The following MARCHF1 variants were observed in gnomAD, a reference collection of about 807,000 sequenced individuals.
MARCHF1 encodes the protein membrane associated ring-CH-type finger 1, also known as E3 ubiquitin-protein ligase MARCHF1.
A neutral mutation model predicts 54.2 loss-of-function variants in MARCHF1; 40 were observed. The observed-to-expected ratio is 0.74, with a 90% CI of 0.57 to 0.96. The LOEUF is 0.96. MARCHF1 is among the 40% of genes least tolerant of loss of function. The probability of loss-of-function intolerance (pLI) is 0.00; values close to 1 mark genes in which losing one functional copy is unlikely to be tolerated. For missense variants in MARCHF1, 586 were observed against 656.5 expected (o/e 0.89, Z 1.17); for synonymous variants, 236 against 236.3 (o/e 1.00, Z 0.01).
At chr4:164,023,811 T>G (rs759506256) in intron 2 of MARCHF1, among the ~76,000 whole-genome samples, 55 of 152,038 alleles carry the variant, frequency 3.6e-4, no homozygotes, top group Non-Finnish European at 7.1e-4. Flanking sequence ...AAGAGAAAGT[T>G]GAAACCCAAT....
chr4:163,624,135 T>G (rs565045342), intron 5 of MARCHF1, among the ~76,000 whole-genome samples: 35 of 152,200 alleles, frequency 2.3e-4, no homozygotes, highest in African/African-American at 8.4e-4. Flanking sequence ...GGCTATGCAG[T>G]TGTTAACTGT....
At chr4:163,901,835 A>G (rs2111308367) in intron 3 of MARCHF1, among the ~76,000 whole-genome samples, 1 of 152,284 alleles carries the variant, frequency 6.6e-6, no homozygotes, top group African/African-American at 2.4e-5. Flanking sequence ...AGAACCAACA[A>G]CGGTACAAAT....
intron 2 of MARCHF1, among the ~76,000 whole-genome samples, chr4:164,063,798 A>T (rs1754670496): frequency 6.6e-6 from 1 of 152,182 alleles, no homozygotes; most frequent in African/African-American, 2.4e-5. Flanking sequence ...ATTTTTTCAA[A>T]ACATGTAGAA....
At chr4:164,058,205 G>A (rs1166170332) in intron 2 of MARCHF1, among the ~76,000 whole-genome samples, 1 of 152,080 alleles carries the variant, frequency 6.6e-6, no homozygotes, top group South Asian at 2.1e-4. Context: ...AACCACCATG[G>A]CACTTGTATA....
intron 5 of MARCHF1, among the ~76,000 whole-genome samples, chr4:163,634,604 T>C (rs902103741): frequency 6.6e-6 from 1 of 152,120 alleles, no homozygotes; most frequent in African/African-American, 2.4e-5. Flanking sequence ...AAGCAAGTCC[T>C]GAGTGACCTA....
intron 2 of MARCHF1, among the ~76,000 whole-genome samples, chr4:164,092,080 T>C (rs1755316660): frequency 6.6e-6 from 1 of 152,138 alleles, no homozygotes; most frequent in Non-Finnish European, 1.5e-5. Flanking sequence ...TCACCGAGGC[T>C]TACTTGGCTA....
At chr4:164,073,464 C>T (rs939894870) in intron 2 of MARCHF1, among the ~76,000 whole-genome samples, 9 of 151,654 alleles carry the variant, frequency 5.9e-5, no homozygotes, top group Admixed American at 3.9e-4. Flanking sequence ...TATGGACACA[C>T]GGAGGGGAAC....
At chr4:163,543,661 G>A (rs1738797562) in intron 9 of MARCHF1, among the ~76,000 whole-genome samples, 1 of 152,064 alleles carries the variant, frequency 6.6e-6, no homozygotes, top group African/African-American at 2.4e-5. Context: ...ATATTTTTGT[G>A]GCTGAAGTTG....
chr4:163,883,976 C>T (rs1433489574), intron 3 of MARCHF1, among the ~76,000 whole-genome samples: 2 of 152,154 alleles, frequency 1.3e-5, no homozygotes, highest in Non-Finnish European at 2.9e-5. Context: ...ACTGTGATTA[C>T]TGACCATCTC....
chr4:164,244,271 T>C (rs1732870708), intron 1 of MARCHF1, among the ~76,000 whole-genome samples: 1 of 151,940 alleles, frequency 6.6e-6, no homozygotes, highest in Non-Finnish European at 1.5e-5. Context: ...CAGACCACAG[T>C]GCAATCAAAC....
intron 4 of MARCHF1, among the ~76,000 whole-genome samples, chr4:163,728,519 T>C (rs1320812006): frequency 6.6e-6 from 1 of 152,202 alleles, no homozygotes; most frequent in Admixed American, 6.5e-5. Flanking sequence ...CCCCATACTT[T>C]TGTTATATTT....
At position 163,929,958 on chromosome 4, in the gene MARCHF1, TA is replaced by T. The variant is rs374858594; in HGVS notation, c.-39+58542del. Among the ~76,000 whole-genome samples the T allele has an allele frequency of 1.1e-3, 69 of 62,794 alleles. 1 individual carries two copies. Among genetic ancestry groups the T allele is most frequent in the African/African-American group, 1.6e-3 (35 of 21,670 alleles). 41.2% of individuals were successfully genotyped at this position (62,794 alleles called of 152,430 possible). ...TTATATATTTATATTATATATATTA[TA>T]TATAATATATATAATATATATAATA... is the stretch of plus-strand genomic sequence containing the variant. On this transcript the variant is annotated intron_variant, in intron 3 of 9. Coordinates refer to ENST00000514618, the MANE Select transcript of MARCHF1 (RefSeq NM_001394959.1).
intron 1 of MARCHF1, among the ~76,000 whole-genome samples, chr4:164,343,940 CATT>C (rs1729999456): frequency 6.6e-6 from 1 of 152,142 alleles, no homozygotes; most frequent in Admixed American, 6.6e-5. Context: ...TTCATCACAG[CATT>C]ATTCACAATC....
intron 1 of MARCHF1, among the ~76,000 whole-genome samples, chr4:164,225,368 T>C (rs1434918753): frequency 6.6e-6 from 1 of 152,108 alleles, no homozygotes; most frequent in Non-Finnish European, 1.5e-5. Flanking sequence ...TGCCTATTTC[T>C]ATTTGCCCAT....
intron 1 of MARCHF1, among the ~76,000 whole-genome samples, chr4:164,343,870 T>C (rs770180754): frequency 1.3e-5 from 2 of 152,134 alleles, no homozygotes; most frequent in Non-Finnish European, 2.9e-5. Context: ...AGTCTCATTA[T>C]TGGGTATATA....
intron 2 of MARCHF1, among the ~76,000 whole-genome samples, chr4:164,015,900 CAA>C (rs770216277): frequency 7.0e-6 from 1 of 143,544 alleles, no homozygotes. Flanking sequence ...TAAGTTTCCC[CAA>C]AAAAAAAAAA....
chr4:163,918,362 C>T (rs115391158), intron 3 of MARCHF1, among the ~76,000 whole-genome samples: 1 of 152,056 alleles, frequency 6.6e-6, no homozygotes, highest in Admixed American at 6.6e-5. Flanking sequence ...TGTTGTTTGT[C>T]TTCTCATGCT....
At position 163,528,966 on chromosome 4, in the gene MARCHF1, G is replaced by T. The variant is rs1226043471; in HGVS notation, c.1420C>A (p.Gln474Lys). 3 of 1,612,984 alleles carry T rather than the reference G, an allele frequency of 1.9e-6. No homozygotes were observed. The highest frequency in any genetic ancestry group is 2.2e-5 in the East Asian group (1 of 44,872). The change falls in exon 10 of 10, where the codon CAG becomes AAG. Residue 474 changes from glutamine to lysine, a missense_variant. Transcript: ENST00000514618. ...CACAACTGAACATAGACTTTACACT[G>T]TACGTACATGAAGACAAGACCTCCT... Reference protein sequence around the residue: ...FTGGLVFMYVQCKVYVQLWRR... With the variant: ...FTGGLVFMYVKCKVYVQLWRR...
chr4:164,001,715 A>G (rs927257426), intron 2 of MARCHF1, among the ~76,000 whole-genome samples: 13 of 151,838 alleles, frequency 8.6e-5, no homozygotes, highest in African/African-American at 3.1e-4. Flanking sequence ...TTAAGGAGAT[A>G]AAGATGAAGG....
Sources: allele counts gnomAD v4.1 joint callset (sites outside exome capture counted in the v4.1 genomes callset), GRCh38; gene constraint gnomAD v4.1.1; transcripts MANE v1.5; gene names NCBI Gene and HGNC (gene_info 2026-07-23, HGNC 2026-07-21).